The following PRPSAP1 variants were observed in gnomAD, a reference collection of about 807,000 sequenced individuals.
The protein encoded by PRPSAP1 is phosphoribosyl pyrophosphate synthetase associated protein 1.
In PRPSAP1, 31 loss-of-function variants were observed where a neutral mutation model predicts 39.4. The ratio of observed to expected loss-of-function variants is 0.79; its 90% confidence interval spans 0.59 to 1.06. PRPSAP1 has a LOEUF of 1.06. Ranked by LOEUF, PRPSAP1 falls within the 50% of genes least tolerant of loss-of-function variation. The pLI, the probability that PRPSAP1 is intolerant of heterozygous loss-of-function variation, is 0.00. For synonymous variants in PRPSAP1, 212 were observed against 192.6 expected (o/e 1.10, Z -0.83); for missense variants, 430 against 511.6 (o/e 0.84, Z 1.54).
chr17:76,351,364 A>T (rs1288730178), intron 1 of PRPSAP1, among the ~76,000 whole-genome samples: 1 of 152,096 alleles, frequency 6.6e-6, no homozygotes, highest in Non-Finnish European at 1.5e-5. Context: ...AAATACAAAA[A>T]ATTAGCTGTG....
In PRPSAP1 at chr17:76,310,283, C is replaced by T. The variant is rs1374553271; in HGVS notation, c.*1259G>A. The T allele has an allele frequency of 6.8e-6, 1 of 147,708 alleles. No individual in the cohort carries two copies. Among genetic ancestry groups the T allele is most frequent in the South Asian group, 2.1e-4 (1 of 4,714 alleles). The allele number at this position is 147,708 out of a possible 1,614,324, so 9.1% of individuals were successfully genotyped here. A position where few individuals can be genotyped will look rare whatever the true frequency, so the allele number is the denominator to read the frequency against. On this transcript the variant is annotated 3_prime_UTR_variant, in exon 10 of 10. Transcript: ENST00000446526. ...AAGTGCTGGGATTACAGGCGTGAGCCATGATGCCTGGCCTCTTTGTAGTCT... is the reference window on the plus strand; with the variant it reads ...AAGTGCTGGGATTACAGGCGTGAGCTATGATGCCTGGCCTCTTTGTAGTCT...
At chr17:76,350,887 C>T (rs2071561248) in intron 1 of PRPSAP1, among the ~76,000 whole-genome samples, 1 of 151,894 alleles carries the variant, frequency 6.6e-6, no homozygotes, top group Non-Finnish European at 1.5e-5. Context: ...ACAAAATTAG[C>T]GGGGTGTGGT....
intron 2 of PRPSAP1, among the ~76,000 whole-genome samples, 181 bp from the exon 3 acceptor site, chr17:76,344,918 T>A (rs530586056): frequency 7.2e-4 from 110 of 152,060 alleles, no homozygotes; most frequent in African/African-American, 2.6e-3. Flanking sequence ...CTAGGCAACA[T>A]GACAAAATCC....
intron 3 of PRPSAP1, among the ~76,000 whole-genome samples, chr17:76,334,841 G>C (rs2071361847): frequency 6.6e-6 from 1 of 152,112 alleles, no homozygotes; most frequent in African/African-American, 2.4e-5. Flanking sequence ...GATAATCTTT[G>C]GTAGAATCAA....
At chr17:76,349,285 CAA>C (rs776981649) in intron 1 of PRPSAP1, among the ~76,000 whole-genome samples, 7 of 138,726 alleles carry the variant, frequency 5.0e-5, no homozygotes, top group African/African-American at 8.2e-5. Flanking sequence ...GCCTGGGTAA[CAA>C]GAGCAAAACT....
At chr17:76,337,399 A>T (rs1331149713) in intron 3 of PRPSAP1, 4 of 150,510 alleles carry the variant, frequency 2.7e-5, no homozygotes, top group Admixed American at 1.3e-4. Context: ...TGACACGCAA[A>T]TTCGTGAAGT....
chr17:76,332,892 A>ATTTTT (rs1386737477), intron 3 of PRPSAP1, among the ~76,000 whole-genome samples: 1 of 139,216 alleles, frequency 7.2e-6, no homozygotes, highest in Non-Finnish European at 1.6e-5. Flanking sequence ...TTGGAATATA[A>ATTTTT]TTTTTTTTTT....
intron 3 of PRPSAP1, among the ~76,000 whole-genome samples, chr17:76,337,699 G>A (rs765760928): frequency 6.6e-6 from 1 of 152,174 alleles, no homozygotes; most frequent in Non-Finnish European, 1.5e-5. Context: ...TCTGCCTTCC[G>A]GGTTCAATCG....
intron 7 of PRPSAP1, among the ~76,000 whole-genome samples, chr17:76,327,207 G>C (rs2143490257): frequency 6.6e-6 from 1 of 152,098 alleles, no homozygotes; most frequent in African/African-American, 2.4e-5. Flanking sequence ...AATTAGCTGG[G>C]TGTGGTGGTG....
chr17:76,348,594 A>C lies in PRPSAP1; in HGVS notation c.171-13T>G, dbSNP rs2071535732. ...AGCACCAAGGCGCCTATAGATCAAA[A>C]AGAACAAAAAAGGGAAATTAAGATT... On this transcript the variant is annotated splice_polypyrimidine_tract_variant and intron_variant, in intron 1 of 9. Coordinates refer to ENST00000446526, the MANE Select transcript of PRPSAP1 (RefSeq NM_002766.3). The C allele has an allele frequency of 6.6e-7, 1 of 1,523,446 alleles. No individual in the cohort carries two copies. Among genetic ancestry groups the C allele is most frequent in the Non-Finnish European group, 8.7e-7 (1 of 1,147,224 alleles). 94.4% of individuals were successfully genotyped at this position (1,523,446 alleles called of 1,614,324 possible). A position where few individuals can be genotyped will look rare whatever the true frequency, so the allele number is the denominator to read the frequency against.
intron 7 of PRPSAP1, among the ~76,000 whole-genome samples, chr17:76,318,514 G>A (rs1045859119): frequency 2.6e-5 from 4 of 152,058 alleles, no homozygotes; most frequent in African/African-American, 9.7e-5. Context: ...AAGAGTCCAA[G>A]GTTGAATATT....
rs2071119872 is a variant in PRPSAP1, at chr17:76,316,048, C to T, written c.782-2157G>A. ...TAAAAATTAGCCAGGCATGGTGGCACACGCCTGTAATCCTAGCTACTCAGG... is the reference window on the plus strand; with the variant it reads ...TAAAAATTAGCCAGGCATGGTGGCATACGCCTGTAATCCTAGCTACTCAGG... On this transcript the variant is annotated intron_variant, in intron 7 of 9. Coordinates refer to ENST00000446526, the MANE Select transcript of PRPSAP1 (RefSeq NM_002766.3). Among the ~76,000 whole-genome samples the T allele has an allele frequency of 2.0e-5, 3 of 151,324 alleles. No homozygotes were observed. In the South Asian group the frequency reaches 6.3e-4, roughly 32 times the overall value.
Position 76,311,415 on chromosome 17 carries a change from G to A in PRPSAP1, c.*127C>T, listed in dbSNP as rs555487992. 6.1e-5 allele frequency: 63 copies of A among 1,032,814 alleles called. No homozygotes were observed. The East Asian group carries it at 1.1e-3, about 19-fold the overall frequency. The allele number at this position is 1,032,814 out of a possible 1,614,324, so 64.0% of individuals were successfully genotyped here. A position where few individuals can be genotyped will look rare whatever the true frequency, so the allele number is the denominator to read the frequency against. ...TTTAATCCCTCCTCCCCATCAATCC[G>A]GGCAAAAGAAGATATCTAACTCCAG... On this transcript the variant is annotated 3_prime_UTR_variant, in exon 10 of 10. Transcript: ENST00000446526.
rs897554941 is a variant in PRPSAP1 at position 76,319,856 on chromosome 17, G to A, written c.782-5965C>T. 6.6e-5 allele frequency among the ~76,000 whole-genome samples: 10 copies of A among 152,290 alleles called. No individual in the cohort carries two copies. In the South Asian group the frequency reaches 1.0e-3, roughly 16 times the overall value. ...TGCTAAGAAAGCACAAGATGAACACGGGGCGTGGTTATAGCACAAAAGTAA... is the reference window on the plus strand; with the variant it reads ...TGCTAAGAAAGCACAAGATGAACACAGGGCGTGGTTATAGCACAAAAGTAA... On this transcript the variant is annotated intron_variant, in intron 7 of 9. Transcript: ENST00000446526.
chr17:76,336,016 AGT>A lies in PRPSAP1; in HGVS notation c.291-3583_291-3582del. Among the ~76,000 whole-genome samples, 4 of 152,266 alleles carry A rather than the reference AGT, an allele frequency of 2.6e-5. No individual in the cohort carries two copies. The Middle Eastern group carries it at 0.014, about 518-fold the overall frequency. ...ACACAAAAAAATAAAAACAAAATCAAGTAAAATACACAAGTGTATGACACCAT... is the reference window on the plus strand; with the variant it reads ...ACACAAAAAAATAAAAACAAAATCAAAAAATACACAAGTGTATGACACCAT... On this transcript the variant is annotated intron_variant, in intron 3 of 9. Transcript: ENST00000446526.
At chr17:76,333,509 G>A (rs936972934) in intron 3 of PRPSAP1, among the ~76,000 whole-genome samples, 3 of 152,026 alleles carry the variant, frequency 2.0e-5, no homozygotes, top group Non-Finnish European at 4.4e-5. Context: ...GCCAGGTGTG[G>A]TGGCACGTGC....
At chr17:76,336,877 G>A (rs533996600) in intron 3 of PRPSAP1, among the ~76,000 whole-genome samples, 1 of 152,156 alleles carries the variant, frequency 6.6e-6, no homozygotes, top group South Asian at 2.1e-4. Flanking sequence ...GACAAAAGGG[G>A]CTTTGTCACA....
intron 7 of PRPSAP1, among the ~76,000 whole-genome samples, chr17:76,326,951 T>C (rs1379937433): frequency 1.3e-5 from 2 of 151,920 alleles, no homozygotes; most frequent in African/African-American, 2.4e-5. Flanking sequence ...ACCCCATGTA[T>C]ATAAATGTTA....
At chr17:76,329,026 C>A (rs1156993296) in intron 6 of PRPSAP1, 164 bp from the exon 7 acceptor site, 4 of 802,218 alleles carry the variant, frequency 5.0e-6, no homozygotes, top group Non-Finnish European at 7.4e-6. Flanking sequence ...ATGTAAATGA[C>A]TCAAAGGGCA....
Sources: gnomAD v4.1 joint callset for allele counts (sites outside exome capture counted in the v4.1 genomes callset) on GRCh38, gnomAD v4.1.1 for gene constraint, MANE v1.5 for transcripts, NCBI Gene and HGNC (gene_info 2026-07-23, HGNC 2026-07-21) for gene names.